The following EYA1 variants were observed in gnomAD, a reference collection of about 807,000 sequenced individuals.
EYA1 encodes EYA transcriptional coactivator and phosphatase 1.
Under a neutral mutation model 82.0 loss-of-function variants are expected in EYA1, and 16 were observed. The observed-to-expected ratio is 0.20, with a 90% CI of 0.13 to 0.30. The LOEUF (loss-of-function observed/expected upper bound fraction) is 0.30, where lower values mean the gene tolerates loss of function less well. Ranked by LOEUF, EYA1 falls within the 10% of genes least tolerant of loss-of-function variation. The pLI is 1.00. For synonymous variants in EYA1, 261 were observed against 264.4 expected (o/e 0.99, Z 0.12); for missense variants, 633 against 730.7 (o/e 0.87, Z 1.54).
rs1296122715 is a variant in EYA1, at chr8:71,378,233, C to T, written c.34-21722G>A. Among the ~76,000 whole-genome samples the T allele has an allele frequency of 3.9e-5, 6 of 152,108 alleles. No homozygotes were observed. In the East Asian group the frequency reaches 1.2e-3, roughly 29 times the overall value. On this transcript the variant is annotated intron_variant, in intron 2 of 18. Coordinates refer to the EYA1 transcript ENST00000643681. ...CTTCCTGCCATTAAGATTAGGCTTG[C>T]AGGGAGGCTAAGGAAGATATTAATA...
chr8:71,492,958 T>C (rs572700994), intron 2 of EYA1, among the ~76,000 whole-genome samples: 14 of 152,266 alleles, frequency 9.2e-5, no homozygotes, highest in African/African-American at 3.4e-4. Context: ...TGTTCCTCTT[T>C]GTGTGTCCAT....
chr8:71,242,618 T>C (rs1388651418), intron 12 of EYA1, among the ~76,000 whole-genome samples: 1 of 152,170 alleles, frequency 6.6e-6, no homozygotes, highest in East Asian at 1.9e-4. Context: ...AGTCTCTATA[T>C]AATCAGTGTA....
intron 2 of EYA1, among the ~76,000 whole-genome samples, chr8:71,524,859 T>C (rs1462358573): frequency 3.3e-5 from 5 of 152,244 alleles, no homozygotes; most frequent in Non-Finnish European, 5.9e-5. Context: ...AAAGGTTTCT[T>C]TTCCCTTTTT....
intron 11 of EYA1, among the ~76,000 whole-genome samples, chr8:71,264,359 C>G (rs1479560210): frequency 6.6e-6 from 1 of 152,130 alleles, no homozygotes; most frequent in Admixed American, 6.5e-5. Flanking sequence ...TTTCTTTCCT[C>G]AAGGTACTGA....
chr8:71,340,087 T>C (rs536305700), intron 3 of EYA1, among the ~76,000 whole-genome samples: 1 of 152,266 alleles, frequency 6.6e-6, no homozygotes, highest in Non-Finnish European at 1.5e-5. Context: ...GCCTCTACTC[T>C]CCCTGCTTTG....
intron 11 of EYA1, among the ~76,000 whole-genome samples, chr8:71,267,949 A>G (rs990968735): frequency 2.0e-5 from 3 of 152,236 alleles, no homozygotes; most frequent in African/African-American, 7.2e-5. Flanking sequence ...CTAATGATTG[A>G]CACATTAAAA....
At chr8:71,267,610 G>A (rs148827629) in intron 11 of EYA1, among the ~76,000 whole-genome samples, 10,990 of 152,094 alleles carry the variant, frequency 0.072, 493 homozygotes, top group Admixed American at 0.14. Context: ...GCACAGTGGC[G>A]CGATCTCTGC....
At position 71,344,234 on chromosome 8, in the gene EYA1, T is replaced by C. The variant is rs893716477; in HGVS notation, c.125-10060A>G. Among the ~76,000 whole-genome samples, 5 of 152,242 alleles carry C rather than the reference T, an allele frequency of 3.3e-5. No homozygotes were observed. In the East Asian group the frequency reaches 9.6e-4, roughly 29 times the overall value. ...TTATATTCAGAAAACAAAGTGAGAT[T>C]GAAATATTTTTAGCTTATTATAATA... On this transcript the variant is annotated intron_variant, in intron 3 of 17. Transcript: ENST00000340726.
At chr8:71,465,798 T>C (rs1184842970) in intron 2 of EYA1, among the ~76,000 whole-genome samples, 2 of 152,158 alleles carry the variant, frequency 1.3e-5, no homozygotes. Context: ...AGAAGTGGGG[T>C]ATTTGTGAAA....
chr8:71,306,089 CTG>C (rs1820711546), intron 7 of EYA1, among the ~76,000 whole-genome samples: 1 of 152,198 alleles, frequency 6.6e-6, no homozygotes, highest in Admixed American at 6.5e-5. Context: ...ACAGCTCTCA[CTG>C]TGTTACTCAC....
At chr8:71,522,284 A>G (rs1014252495) in intron 2 of EYA1, among the ~76,000 whole-genome samples, 1 of 152,204 alleles carries the variant, frequency 6.6e-6, no homozygotes, top group Admixed American at 6.5e-5. Flanking sequence ...TCATGAATTC[A>G]CTAAATCTCA....
At chr8:71,347,451 T>C (rs1374963903) in intron 3 of EYA1, among the ~76,000 whole-genome samples, 1 of 152,100 alleles carries the variant, frequency 6.6e-6, no homozygotes, top group Non-Finnish European at 1.5e-5. Flanking sequence ...GCCTCCTGAG[T>C]AGCTGGAACT....
chr8:71,304,429 C>T lies in EYA1; in HGVS notation c.557-4709G>A, dbSNP rs573857844. 2.0e-3 allele frequency among the ~76,000 whole-genome samples: 286 copies of T among 142,780 alleles called. 21 individuals are homozygous for T. The highest frequency in any genetic ancestry group is 6.7e-3 in the African/African-American group (272 of 40,484). The allele number at this position is 142,780 out of a possible 152,430, so 93.7% of individuals were successfully genotyped here. ...CAAGGTTTTTGTCTGTGAGTTATTTCCCTTTTTTATGACCATTTCCAAAAT... is the reference window on the plus strand; with the variant it reads ...CAAGGTTTTTGTCTGTGAGTTATTTTCCTTTTTTATGACCATTTCCAAAAT... On this transcript the variant is annotated intron_variant, in intron 7 of 17. Coordinates refer to ENST00000340726, the MANE Select transcript of EYA1 (RefSeq NM_000503.6).
intron 2 of EYA1, among the ~76,000 whole-genome samples, chr8:71,402,489 C>G (rs1830009873): frequency 6.6e-6 from 1 of 152,070 alleles, no homozygotes; most frequent in African/African-American, 2.4e-5. Flanking sequence ...ATGTTACATG[C>G]CCACAAAAGA....
intron 17 of EYA1, among the ~76,000 whole-genome samples, chr8:71,209,746 G>A (rs1205583452): frequency 1.3e-5 from 2 of 152,152 alleles, no homozygotes; most frequent in East Asian, 3.9e-4. Flanking sequence ...ATTCCTATGA[G>A]GGAGTGTGTA....
chr8:71,328,743 T>C (rs192789881), intron 4 of EYA1, among the ~76,000 whole-genome samples: 13 of 152,296 alleles, frequency 8.5e-5, no homozygotes, highest in African/African-American at 2.9e-4. Flanking sequence ...CCTACATTTA[T>C]CAAAAACTTT....
intron 12 of EYA1, among the ~76,000 whole-genome samples, chr8:71,228,249 T>C (rs1810793407): frequency 6.6e-6 from 1 of 152,210 alleles, no homozygotes; most frequent in African/African-American, 2.4e-5. Context: ...TCCGTGGGTC[T>C]GAAATTCCAC....
intron 4 of EYA1, among the ~76,000 whole-genome samples, chr8:71,327,319 T>C (rs1823275051): frequency 6.6e-6 from 1 of 152,228 alleles, no homozygotes; most frequent in African/African-American, 2.4e-5. Context: ...AGAGAAACCA[T>C]ATTTGTTACA....
In EYA1 at chr8:71,522,704, G is replaced by C. The variant is rs966168642; in HGVS notation, c.33+13040C>G. Among the ~76,000 whole-genome samples the C allele has an allele frequency of 2.7e-5, 4 of 147,674 alleles. No individual in the cohort carries two copies. In the East Asian group the frequency reaches 6.0e-4, roughly 22 times the overall value. ...TGTGATCACAGCTTACTGCAGCCTT[G>C]ACCTCCAGGGCTCAAGTGCTCCTGC... On this transcript the variant is annotated intron_variant, in intron 2 of 18. Coordinates refer to the EYA1 transcript ENST00000643681.
Sources: gnomAD v4.1 joint callset for allele counts (sites outside exome capture counted in the v4.1 genomes callset) on GRCh38, gnomAD v4.1.1 for gene constraint, MANE v1.5 for transcripts, NCBI Gene and HGNC (gene_info 2026-07-23, HGNC 2026-07-21) for gene names.